The following RNF20 variants were observed in gnomAD, a reference collection of about 807,000 sequenced individuals.
RNF20 encodes the protein E3 ubiquitin-protein ligase BRE1A.
Under a neutral mutation model 126.2 loss-of-function variants are expected in RNF20, and 84 were observed. The ratio of observed to expected loss-of-function variants is 0.67; its 90% confidence interval spans 0.56 to 0.80. The LOEUF is 0.80. Ranked by LOEUF, RNF20 falls within the 30% of genes least tolerant of loss-of-function variation. The pLI, the probability that RNF20 is intolerant of heterozygous loss-of-function variation, is 0.00. For synonymous variants in RNF20, 400 were observed against 414.3 expected, an observed-to-expected ratio of 0.97 and a Z score of 0.42; for missense variants, 869 against 1,188.2, an observed-to-expected ratio of 0.73 and a Z score of 3.95.
At chr9:101,555,242 AAT>A (rs1827514395) in intron 15 of RNF20, among the ~76,000 whole-genome samples, 1 of 151,884 alleles carries the variant, frequency 6.6e-6, no homozygotes, top group African/African-American at 2.4e-5. Context: ...TATGCTTATA[AAT>A]ATATATCATT....
rs1434843908 is a variant in RNF20, at chr9:101,554,817, C to A, written c.2143C>A (p.Gln715Lys). The change falls in exon 15 of 20, where the codon CAG becomes AAG. Residue 715 changes from glutamine to lysine, a missense_variant. By Grantham distance (53) the Gln-to-Lys change is moderately conservative (BLOSUM62 1). Around this residue, in one of 8 missense-constraint regions of RNF20, gnomAD observed 30 missense variants for 75.2 expected, o/e 0.40. Coordinates refer to ENST00000389120, the MANE Select transcript of RNF20 (RefSeq NM_019592.7). ...RAVEEQIEYL[Q>K]KKLAMAKQEE... is the part of the protein sequence containing the mutation. ...AGTGGAGGAGCAGATAGAATACCTA[C>A]AGAAGAAGCTAGCCATGGCCAAGCA... 2 of 1,491,164 alleles carry A rather than the reference C, an allele frequency of 1.3e-6. No individual in the cohort carries two copies. Among genetic ancestry groups the A allele is most frequent in the Non-Finnish European group, 1.8e-6 (2 of 1,110,882 alleles). 92.4% of individuals were successfully genotyped at this position (1,491,164 alleles called of 1,614,324 possible).
chr9:101,551,098 A>T (rs546516528), intron 10 of RNF20, among the ~76,000 whole-genome samples: 1 of 152,194 alleles, frequency 6.6e-6, no homozygotes, highest in Non-Finnish European at 1.5e-5. Flanking sequence ...TCCTGATTCC[A>T]CTTAAAAAAG....
At chr9:101,537,090 C>A (rs930395189) in intron 2 of RNF20, among the ~76,000 whole-genome samples, 1 of 152,158 alleles carries the variant, frequency 6.6e-6, no homozygotes, top group African/African-American at 2.4e-5. Context: ...AAAACTGAGT[C>A]TCCAAAGTGT....
chr9:101,562,173 T>C, intron 19 of RNF20, 73 bp from the exon 20 acceptor site: 3 of 1,491,850 alleles, frequency 2.0e-6, no homozygotes, highest in South Asian at 2.5e-5. Context: ...TCTTCTTGGT[T>C]GTGTAGTATA....
intron 15 of RNF20, among the ~76,000 whole-genome samples, chr9:101,556,409 T>G (rs548109956): frequency 1.3e-5 from 2 of 152,288 alleles, no homozygotes; most frequent in South Asian, 4.1e-4. Context: ...TGATACTTAT[T>G]ATGTGCTAAA....
At position 101,546,875 on chromosome 9, in the gene RNF20, A is replaced by G. The variant is rs748476274; in HGVS notation, c.803A>G (p.Glu268Gly). 13 of 1,614,072 alleles carry G rather than the reference A, an allele frequency of 8.1e-6. No homozygotes were observed. Among genetic ancestry groups the G allele is most frequent in the Non-Finnish European group, 9.3e-6 (11 of 1,180,018 alleles). ...GCCGAATCACGAGTGTCTGTCCTGG[A>G]GTCCATGATTGATGACCTGCAGTGG... is the stretch of plus-strand genomic sequence containing the variant. The part of the protein sequence containing the change: ...ETAESRVSVL[E>G]SMIDDLQWDI... Residue 268 changes from glutamate (E) to glycine (G), a missense_variant, in exon 7 of 20, where the codon GAG (glutamate) becomes GGG (glycine). Transcript: ENST00000389120.
In RNF20 at chr9:101,561,964, G is replaced by A; in HGVS notation, c.2704G>A (p.Val902Ile). ...KLETTKKPDN[V>I]PKCDEILMEE... ...GGAGACCACAAAGAAACCAGACAATGTACCCAAGTGTGATGAGATTCTGAT... is the reference window on the plus strand; with the variant it reads ...GGAGACCACAAAGAAACCAGACAATATACCCAAGTGTGATGAGATTCTGAT... Residue 902 changes from valine to isoleucine, a missense_variant, in exon 19 of 20, where the codon GTA (valine) becomes ATA (isoleucine). Around this residue, in one of 8 missense-constraint regions of RNF20, gnomAD observed 150 missense variants for 173.7 expected, o/e 0.86. Transcript: ENST00000389120. 6.2e-7 allele frequency: 1 copy of A among 1,613,196 alleles called. No individual in the cohort carries two copies. Among genetic ancestry groups the A allele is most frequent in the Non-Finnish European group, 8.5e-7 (1 of 1,179,628 alleles).
In RNF20 at chr9:101,554,116, C is replaced by G. The variant is rs1483200411; in HGVS notation, c.2019+11C>G. ...AAGTCTAAGGCAGAGGTATTCTAGT[C>G]TGCTATTACCTGTCCTTCTGGTTAA... On this transcript the variant is annotated intron_variant, in intron 14 of 19. Transcript: ENST00000389120. 7.3e-7 allele frequency: 1 copy of G among 1,371,224 alleles called. No individual in the cohort carries two copies. Among genetic ancestry groups the G allele is most frequent in the Admixed American group, 1.7e-5 (1 of 57,582 alleles). 84.9% of individuals were successfully genotyped at this position (1,371,224 alleles called of 1,614,324 possible).
chr9:101,561,613 G>A (rs372162670), intron 18 of RNF20, among the ~76,000 whole-genome samples: 98 of 152,214 alleles, frequency 6.4e-4, no homozygotes, highest in African/African-American at 2.2e-3. Flanking sequence ...TCTACCTTCA[G>A]CTTAAAACTA....
intron 2 of RNF20, among the ~76,000 whole-genome samples, chr9:101,536,384 A>G: frequency 6.6e-6 from 1 of 152,022 alleles, no homozygotes; most frequent in East Asian, 1.9e-4. Context: ...GCAAAACCAC[A>G]TCTATTGCTT....
intron 2 of RNF20, 36 bp from the exon 3 acceptor site, chr9:101,540,167 C>G (rs1227838973): frequency 1.9e-6 from 3 of 1,587,542 alleles, no homozygotes; most frequent in Admixed American, 1.8e-5. Flanking sequence ...TTTCTTATTT[C>G]TTTGTGGAGA....
chr9:101,540,398 T>G (rs369973619), intron 3 of RNF20, 28 bp downstream of exon 3: 12 of 1,613,290 alleles, frequency 7.4e-6, no homozygotes, highest in Non-Finnish European at 1.0e-5. Context: ...TTGTTCAGAT[T>G]TTTATTTGAC....
rs539420487 is a variant in RNF20, at chr9:101,558,032, C to T, written c.2382+436C>T. On this transcript the variant is annotated intron_variant, in intron 16 of 19. Coordinates refer to ENST00000389120, the MANE Select transcript of RNF20 (RefSeq NM_019592.7). ...TTTTTTTTTTTTTTTTTTAAATTTC[C>T]ATAGGTTTTGGGGAACATGTGGTGT... is the stretch of plus-strand genomic sequence containing the variant. Among the ~76,000 whole-genome samples, 5 of 146,476 alleles carry T rather than the reference C, an allele frequency of 3.4e-5. No individual in the cohort carries two copies. In the East Asian group the frequency reaches 8.0e-4, roughly 23 times the overall value.
chr9:101,547,738 A>G (rs966785907), intron 9 of RNF20, among the ~76,000 whole-genome samples: 5 of 152,218 alleles, frequency 3.3e-5, no homozygotes, highest in African/African-American at 9.6e-5. Flanking sequence ...ATTATACCCA[A>G]TGGCGAAAAG....
At chr9:101,542,445 A>C (rs1338239790) in intron 5 of RNF20, among the ~76,000 whole-genome samples, 1 of 152,168 alleles carries the variant, frequency 6.6e-6, no homozygotes, top group South Asian at 2.1e-4. Context: ...CCCCAGCTAA[A>C]CTGTGTCTTG....
intron 15 of RNF20, among the ~76,000 whole-genome samples, chr9:101,556,620 G>A (rs572713858): frequency 1.3e-5 from 2 of 152,240 alleles, no homozygotes; most frequent in East Asian, 3.9e-4. Flanking sequence ...ATAATTTGGA[G>A]TGGAGACCTT....
At chr9:101,536,828 G>A (rs757184696) in intron 2 of RNF20, among the ~76,000 whole-genome samples, 1 of 152,190 alleles carries the variant, frequency 6.6e-6, no homozygotes, top group African/African-American at 2.4e-5. Context: ...TCTTAAGTAG[G>A]AGACTAACAT....
At chr9:101,555,000 C>G (rs1827511131) in intron 15 of RNF20, among the ~76,000 whole-genome samples, 157 bp downstream of exon 15, 1 of 151,940 alleles carries the variant, frequency 6.6e-6, no homozygotes, top group Non-Finnish European at 1.5e-5. Flanking sequence ...ACCTTCAAGT[C>G]TTTTATCTTT....
intron 16 of RNF20, among the ~76,000 whole-genome samples, chr9:101,559,846 A>G (rs1482447021): frequency 6.6e-6 from 1 of 152,202 alleles, no homozygotes; most frequent in Non-Finnish European, 1.5e-5. Flanking sequence ...GTAATCAGCA[A>G]ACAGTGACAG....
Sources: allele counts gnomAD v4.1 joint callset (sites outside exome capture counted in the v4.1 genomes callset), GRCh38; gene constraint gnomAD v4.1.1; regional missense constraint gnomAD v4.1.1; transcripts MANE v1.5; gene names NCBI Gene and HGNC (gene_info 2026-07-23, HGNC 2026-07-21).